The following PHYHIPL variants were observed in gnomAD, a reference collection of about 807,000 sequenced individuals.
PHYHIPL encodes phytanoyl-CoA hydroxylase-interacting protein-like.
A neutral mutation model predicts 33.4 loss-of-function variants in PHYHIPL; 9 were observed. The ratio of observed to expected loss-of-function variants is 0.27; its 90% confidence interval spans 0.16 to 0.47. The LOEUF (loss-of-function observed/expected upper bound fraction) is 0.47. Ranked by LOEUF, PHYHIPL falls within the 20% of genes least tolerant of loss-of-function variation. The probability of loss-of-function intolerance (pLI) is 0.99; values close to 1 mark genes in which losing one functional copy is unlikely to be tolerated. For missense variants in PHYHIPL, 365 were observed against 460.7 expected, an observed-to-expected ratio of 0.79 and a Z score of 1.90; for synonymous variants, 153 against 154.1, an observed-to-expected ratio of 0.99 and a Z score of 0.05.
intron 4 of PHYHIPL, 125 bp downstream of exon 4, chr10:59,238,830 G>A: frequency 1.8e-6 from 1 of 563,864 alleles, no homozygotes; most frequent in East Asian, 2.9e-5. Context: ...ATAACGATAT[G>A]GAATTTTATT....
At chr10:59,210,175 A>G (rs948823067) in intron 1 of PHYHIPL, among the ~76,000 whole-genome samples, 2 of 152,206 alleles carry the variant, frequency 1.3e-5, no homozygotes, top group African/African-American at 2.4e-5. Flanking sequence ...TTTGCGCTCT[A>G]TCCATCTGAC....
At chr10:59,227,261 AG>A (rs1406224142) in intron 1 of PHYHIPL, among the ~76,000 whole-genome samples, 1 of 152,138 alleles carries the variant, frequency 6.6e-6, no homozygotes, top group African/African-American at 2.4e-5. Context: ...GCTTCTGGTG[AG>A]GGTCGTGTGC....
intron 1 of PHYHIPL, among the ~76,000 whole-genome samples, chr10:59,212,984 G>A (rs1435182519): frequency 2.0e-5 from 3 of 151,588 alleles, no homozygotes; most frequent in African/African-American, 4.8e-5. Context: ...ATTCATTTTC[G>A]AGGTGACAGT....
chr10:59,204,728 T>TA (rs1839237041), intron 1 of PHYHIPL, among the ~76,000 whole-genome samples: 1 of 152,216 alleles, frequency 6.6e-6, no homozygotes, highest in African/African-American at 2.4e-5. Context: ...CCATCTCCAC[T>TA]ATGCTTTTAG....
Position 59,238,874 on chromosome 10 carries a change from AT to A in PHYHIPL, c.596+176del, listed in dbSNP as rs1040749243. 131 of 513,070 alleles carry A rather than the reference AT, an allele frequency of 2.6e-4. 4 individuals are homozygous for A. The South Asian group carries it at 3.2e-3, about 12-fold the overall frequency. 31.8% of individuals were successfully genotyped at this position (513,070 alleles called of 1,614,324 possible). ...AAATTAAGTAGAAAAAGATCATGGG[AT>A]TTTTTTCTATTTCACTTAGATTCCT... is the stretch of plus-strand genomic sequence containing the variant. On this transcript the variant is annotated intron_variant, in intron 4 of 4. Transcript: ENST00000373880.
chr10:59,174,064 T>C (rs192912476), upstream of PHYHIPL, among the ~76,000 whole-genome samples: 16 of 151,060 alleles, frequency 1.1e-4, no homozygotes, highest in African/African-American at 3.9e-4. Flanking sequence ...TCAAGGTTAC[T>C]GGAATGTGGT....
upstream of PHYHIPL, among the ~76,000 whole-genome samples, chr10:59,174,252 C>G (rs1363644931): frequency 6.6e-6 from 1 of 151,998 alleles, no homozygotes; most frequent in Non-Finnish European, 1.5e-5. Flanking sequence ...CTACCCCTTT[C>G]CCGTAATTCT....
At chr10:59,212,071 G>A (rs1255884570) in intron 1 of PHYHIPL, among the ~76,000 whole-genome samples, 2 of 152,166 alleles carry the variant, frequency 1.3e-5, no homozygotes, top group East Asian at 1.9e-4. Context: ...GAGTGGGACT[G>A]TTAGCTTTAT....
intron 1 of PHYHIPL, among the ~76,000 whole-genome samples, chr10:59,184,217 A>G (rs1026779619): frequency 6.6e-5 from 10 of 152,262 alleles, no homozygotes; most frequent in African/African-American, 2.2e-4. Context: ...GTATAATTTT[A>G]TTGGAATACA....
At chr10:59,194,658 C>A (rs1424038393) in intron 1 of PHYHIPL, among the ~76,000 whole-genome samples, 1 of 152,104 alleles carries the variant, frequency 6.6e-6, no homozygotes, top group Non-Finnish European at 1.5e-5. Flanking sequence ...TTCGTTGTTT[C>A]TTTCAGAAGG....
At chr10:59,242,261 T>C (rs1464608110) in intron 4 of PHYHIPL, among the ~76,000 whole-genome samples, 1 of 152,160 alleles carries the variant, frequency 6.6e-6, no homozygotes, top group Non-Finnish European at 1.5e-5. Flanking sequence ...ATCTAGAGTA[T>C]GTTAGCACAG....
intron 1 of PHYHIPL, among the ~76,000 whole-genome samples, chr10:59,180,563 A>G (rs1013613394): frequency 6.6e-6 from 1 of 151,902 alleles, no homozygotes; most frequent in African/African-American, 2.4e-5. Flanking sequence ...CAGATACGGT[A>G]TAAACCATAG....
At chr10:59,177,675 G>T (rs1177394850) in intron 1 of PHYHIPL, 1 of 1,534,980 alleles carries the variant, frequency 6.5e-7, no homozygotes, top group Non-Finnish European at 8.8e-7. Flanking sequence ...AAGTTGGCAG[G>T]CTCCTGTGGA....
intron 1 of PHYHIPL, among the ~76,000 whole-genome samples, chr10:59,203,191 G>A (rs1364039282): frequency 6.6e-6 from 1 of 152,162 alleles, no homozygotes; most frequent in Non-Finnish European, 1.5e-5. Flanking sequence ...GGCCATCAGA[G>A]AAATGCAAAT....
chr10:59,245,335 G>A lies in PHYHIPL; in HGVS notation c.875G>A (p.Gly292Glu). 6.2e-7 allele frequency: 1 copy of A among 1,614,138 alleles called. No homozygotes were observed. Among genetic ancestry groups the A allele is most frequent in the Non-Finnish European group, 8.5e-7 (1 of 1,180,032 alleles). The change falls in exon 5 of 5, where the codon GGA (glycine) becomes GAA (glutamate). Residue 292 changes from glycine to glutamate, a missense_variant. By Grantham distance (98) the Gly-to-Glu change is moderately conservative. Around this residue, in one of 4 missense-constraint regions of PHYHIPL, gnomAD observed 196 missense variants for 224.9 expected, o/e 0.87. Transcript: ENST00000373880. The stretch of plus-strand genomic sequence containing the variant: ...GTTATTGCTCCTGTGGGATCACCAG[G>A]AGATGAATTTTGTAAGCAGCGCCTT... ...ILVIAPVGSP[G>E]DEFCKQRLPQ...
intron 1 of PHYHIPL, among the ~76,000 whole-genome samples, chr10:59,186,720 T>C (rs1220567800): frequency 6.6e-6 from 1 of 152,268 alleles, no homozygotes; most frequent in East Asian, 1.9e-4. Context: ...ATTCTCTTAG[T>C]AGCAGTTGTG....
At chr10:59,190,651 G>A (rs1409609559) in intron 1 of PHYHIPL, among the ~76,000 whole-genome samples, 2 of 151,746 alleles carry the variant, frequency 1.3e-5, no homozygotes, top group African/African-American at 4.8e-5. Flanking sequence ...TGACTATATT[G>A]TCAAATTGAA....
chr10:59,234,414 G>A lies in PHYHIPL; in HGVS notation c.217G>A (p.Asp73Asn). The change falls in exon 2 of 5, where the codon GAT (aspartate) becomes AAT (asparagine). Residue 73 changes from aspartate to asparagine, a missense_variant. By Grantham distance (23) the Asp-to-Asn change is conservative. Coordinates refer to ENST00000373880, the MANE Select transcript of PHYHIPL (RefSeq NM_032439.4). ...CDSFKISWEMDSKSKDRITHY... is the reference protein window; with the variant it reads ...CDSFKISWEMNSKSKDRITHY... ...CTCATTCAAGATTTCATGGGAAATG[G>A]ATTCAAAATCAAAGGATCGCATTAC... 2 of 1,604,262 alleles carry A rather than the reference G, an allele frequency of 1.2e-6. No individual in the cohort carries two copies. The highest frequency in any genetic ancestry group is 1.7e-4 in the Middle Eastern group (1 of 6,026).
At position 59,200,561 on chromosome 10, in the gene PHYHIPL, G is replaced by A. The variant is rs1470924544; in HGVS notation, c.106+23602G>A. On this transcript the variant is annotated intron_variant, in intron 1 of 4. Transcript: ENST00000373880. The stretch of plus-strand genomic sequence containing the variant: ...TGCCAGGCTTTGGTATCAGGATGGT[G>A]CTGGCCTCATAAAATGAGTTAGGGA... Among the ~76,000 whole-genome samples, 3 of 152,256 alleles carry A rather than the reference G, an allele frequency of 2.0e-5. No homozygotes were observed. In the East Asian group the frequency reaches 5.8e-4, roughly 29 times the overall value.
Sources: allele counts gnomAD v4.1 joint callset (sites outside exome capture counted in the v4.1 genomes callset), GRCh38; gene constraint gnomAD v4.1.1; regional missense constraint gnomAD v4.1.1; transcripts MANE v1.5; gene names NCBI Gene and HGNC (gene_info 2026-07-23, HGNC 2026-07-21).